Variants in TMC7 observed in about 807,000 individuals in gnomAD.
TMC7 encodes transmembrane channel-like protein 7.
TMC7 carries 54 observed loss-of-function variants against 82.9 expected under a neutral mutation model. The ratio of observed to expected loss-of-function variants is 0.65; its 90% CI spans 0.52 to 0.82. TMC7 has a LOEUF of 0.82. TMC7 is among the 40% of genes least tolerant of loss of function. The probability of loss-of-function intolerance (pLI) is 0.00; values close to 1 mark genes in which losing one functional copy is unlikely to be tolerated. For synonymous variants in TMC7, 350 were observed against 337.9 expected (o/e 1.04, Z -0.39); for missense variants, 820 against 901.2 (o/e 0.91, Z 1.15).
rs141762480 is a variant in TMC7, at chr16:19,036,503, G to A, written c.1005+680G>A. Among the ~76,000 whole-genome samples, 240 of 133,200 alleles carry A rather than the reference G, an allele frequency of 1.8e-3. 2 individuals are homozygous for A. Among genetic ancestry groups the A allele is most frequent in the Middle Eastern group, 5.2e-3 (1 of 194 alleles). 87.4% of individuals were successfully genotyped at this position (133,200 alleles called of 152,430 possible). A position where few individuals can be genotyped will look rare whatever the true frequency, so the allele number is the denominator to read the frequency against. ...AGCCTGGGTGACAGAGCGAGACTCC[G>A]TCTCAAAAAAGAAAAAAAAAGTACA... On this transcript the variant is annotated intron_variant, in intron 7 of 15. Transcript: ENST00000304381.
At chr16:19,055,431 C>T (rs929886340) in intron 13 of TMC7, among the ~76,000 whole-genome samples, 1 of 152,118 alleles carries the variant, frequency 6.6e-6, no homozygotes, top group African/African-American at 2.4e-5. Context: ...GATCTCGGCT[C>T]ACTGCAATCT....
chr16:19,009,762 A>G (rs2142172139), intron 2 of TMC7, among the ~76,000 whole-genome samples: 2 of 151,928 alleles, frequency 1.3e-5, no homozygotes, highest in East Asian at 3.9e-4. Flanking sequence ...CAACATGGTG[A>G]AACCTCGTCT....
At chr16:19,061,302 C>CGTGTCCAGCTGTACTG (rs1962000194) in intron 15 of TMC7, among the ~76,000 whole-genome samples, 1 of 151,994 alleles carries the variant, frequency 6.6e-6, no homozygotes, top group Non-Finnish European at 1.5e-5. Flanking sequence ...CGTGAGCCAC[C>CGTGTCCAGCTGTACTG]TCGCCTGGCC....
At chr16:18,985,330 G>C (rs1388130244) in intron 1 of TMC7, among the ~76,000 whole-genome samples, 2 of 143,476 alleles carry the variant, frequency 1.4e-5, no homozygotes, top group Non-Finnish European at 3.1e-5. Context: ...CTTCAAATTG[G>C]ATTGTTCCCA....
chr16:18,996,281 GA>G (rs1301272803), intron 1 of TMC7, among the ~76,000 whole-genome samples: 8 of 152,282 alleles, frequency 5.3e-5, no homozygotes, highest in African/African-American at 1.9e-4. Context: ...GGTGGTGACT[GA>G]GGGAACAGAC....
intron 2 of TMC7, among the ~76,000 whole-genome samples, chr16:19,011,940 G>A (rs1009410245): frequency 6.6e-6 from 1 of 151,872 alleles, no homozygotes; most frequent in African/African-American, 2.4e-5. Context: ...TCAGGAGTTC[G>A]CGACCAGCCT....
intron 2 of TMC7, 70 bp downstream of exon 2, chr16:19,009,485 A>G: frequency 6.6e-7 from 1 of 1,521,698 alleles, no homozygotes; most frequent in South Asian, 1.3e-5. Flanking sequence ...TGTGCGTGAA[A>G]TGCATTTCCT....
chr16:19,059,389 T>A, intron 14 of TMC7, 27 bp from the exon 15 acceptor site: 1 of 1,608,972 alleles, frequency 6.2e-7, no homozygotes, highest in Non-Finnish European at 8.5e-7. Flanking sequence ...CCAGACTCCC[T>A]TGTGACCTGT....
intron 10 of TMC7, 128 bp downstream of exon 10, chr16:19,045,129 G>C: frequency 2.2e-6 from 2 of 899,496 alleles, no homozygotes; most frequent in Non-Finnish European, 3.6e-6. Context: ...CTAGTGATGA[G>C]ACAGAGTCTG....
Position 19,023,194 on chromosome 16 carries a change from C to G in TMC7, c.710C>G (p.Thr237Ser). ...TATATCATAGACTTGCTTTCTGGCA[C>G]TGTAAGTATTTAACATAATCCTTTG... ...YSYIIDLLSG[T>S]GFLEETSLFY... Residue 237 changes from threonine (T) to serine (S), a missense_variant and splice_region_variant, in exon 5 of 16, where the codon ACT becomes AGT. Physicochemically the swap from Thr to Ser is moderately conservative, Grantham distance 58. Coordinates refer to ENST00000304381, the MANE Select transcript of TMC7 (RefSeq NM_024847.4). 1 of 1,584,292 alleles carries G rather than the reference C, an allele frequency of 6.3e-7. No individual in the cohort carries two copies. Among genetic ancestry groups the G allele is most frequent in the East Asian group, 2.2e-5 (1 of 44,702 alleles).
At chr16:18,984,347 G>A (rs927106985) in intron 1 of TMC7, 3 of 1,296,668 alleles carry the variant, frequency 2.3e-6, no homozygotes, top group Non-Finnish European at 1.9e-6. Context: ...ACCCAGCCGG[G>A]CCAAAAGGAC....
chr16:19,038,124 C>T (rs1960844491), intron 8 of TMC7, 77 bp downstream of exon 8: 2 of 1,403,426 alleles, frequency 1.4e-6, no homozygotes, highest in African/African-American at 1.4e-5. Context: ...ATCGTCATTT[C>T]TGTTTTACAT....
intron 5 of TMC7, among the ~76,000 whole-genome samples, chr16:19,029,336 C>T (rs112022868): frequency 1.7e-4 from 26 of 152,060 alleles, no homozygotes; most frequent in Admixed American, 5.9e-4. Context: ...TAAATTTAGT[C>T]CTAATGTTTT....
intron 1 of TMC7, among the ~76,000 whole-genome samples, chr16:19,008,791 C>T (rs942782014): frequency 6.6e-6 from 1 of 152,156 alleles, no homozygotes; most frequent in Admixed American, 6.5e-5. Context: ...CATTACTATA[C>T]CCTACACTGT....
At chr16:19,036,463 G>A (rs550374647) in intron 7 of TMC7, among the ~76,000 whole-genome samples, 2 of 151,984 alleles carry the variant, frequency 1.3e-5, no homozygotes, top group South Asian at 4.2e-4. Flanking sequence ...AGCCGAGGTT[G>A]CACCACTGCA....
At chr16:19,040,477 T>A in intron 9 of TMC7, 31 bp downstream of exon 9, 2 of 1,589,604 alleles carry the variant, frequency 1.3e-6, no homozygotes, top group Non-Finnish European at 1.7e-6. Context: ...GGCAGGCATG[T>A]CAAGCCAGTC....
rs749561311 is a variant in TMC7, at chr16:19,035,652, A to C, written c.858-24A>C. The C allele has an allele frequency of 4.3e-6, 7 of 1,614,114 alleles. No individual in the cohort carries two copies. The Admixed American group carries it at 1.2e-4, about 27-fold the overall frequency. On this transcript the variant is annotated intron_variant, in intron 6 of 15. Coordinates refer to ENST00000304381, the MANE Select transcript of TMC7 (RefSeq NM_024847.4). ...CTCTTTTGCTGTTGTTTCTATAAGA[A>C]GGATGATTGTGTTTTGGGGTCAGGT... is the stretch of plus-strand genomic sequence containing the variant.
At position 19,016,372 on chromosome 16, in the gene TMC7, G is replaced by T. The variant is rs1959692492; in HGVS notation, c.312-78G>T. The T allele has an allele frequency of 3.2e-6, 5 of 1,572,994 alleles. No individual in the cohort carries two copies. The Admixed American group carries it at 5.2e-5, about 16-fold the overall frequency. ...CCCAGAGTGCTGGGATTACAGGCGT[G>T]AGCTACTGTGCCAGGCTGGGATGCT... is the stretch of plus-strand genomic sequence containing the variant. On this transcript the variant is annotated intron_variant, in intron 2 of 15. Transcript: ENST00000304381.
In TMC7 at chr16:19,004,772, A is replaced by G. The variant is rs573796947; in HGVS notation, c.68-4400A>G. On this transcript the variant is annotated intron_variant, in intron 1 of 15. Transcript: ENST00000304381. Reference sequence around the variant, plus strand: ...TCTGATAAACCTGTGATGGGTTCCTAGTTCCAACACTTACTGTGTGAGCAA... The same window carrying G: ...TCTGATAAACCTGTGATGGGTTCCTGGTTCCAACACTTACTGTGTGAGCAA... Among the ~76,000 whole-genome samples the G allele has an allele frequency of 2.2e-4, 33 of 152,332 alleles. No individual in the cohort carries two copies. In the South Asian group the frequency reaches 6.8e-3, roughly 32 times the overall value.
Sources: gnomAD v4.1 joint callset for allele counts (sites outside exome capture counted in the v4.1 genomes callset) on GRCh38, gnomAD v4.1.1 for gene constraint, MANE v1.5 for transcripts, NCBI Gene and HGNC (gene_info 2026-07-23, HGNC 2026-07-21) for gene names.